The following GSE1 variants were observed in gnomAD, a reference collection of about 807,000 sequenced individuals.
The protein encoded by GSE1 is Gse1 coiled-coil protein.
Under a neutral mutation model 112.6 loss-of-function variants are expected in GSE1, and 32 were observed. The observed-to-expected ratio is 0.28, with a 90% CI of 0.21 to 0.38. The LOEUF (loss-of-function observed/expected upper bound fraction) is 0.38, where lower values mean the gene tolerates loss of function less well. Ranked by LOEUF, GSE1 falls within the 10% of genes least tolerant of loss-of-function variation. The pLI is 1.00. For missense variants in GSE1, 2,348 were observed against 1,699.2 expected (o/e 1.38, Z -6.71); for synonymous variants, 1,115 against 735.6 (o/e 1.52, Z -8.35).
chr16:85,627,043 C>CTTTTTTTTTTTTTT (rs1310553127), intron 1 of GSE1, among the ~76,000 whole-genome samples: 1 of 28,672 alleles, frequency 3.5e-5, no homozygotes, highest in African/African-American at 1.8e-4. Context: ...TTTCTTCTTG[C>CTTTTTTTTTTTTTT]CTTTTTTTTT....
chr16:85,649,994 G>T (rs1040431767), intron 3 of GSE1, among the ~76,000 whole-genome samples: 4 of 152,172 alleles, frequency 2.6e-5, no homozygotes, highest in South Asian at 4.1e-4. Flanking sequence ...GGGACCCCCG[G>T]GGCCTGACGT....
rs117314514 is a variant in GSE1 at position 85,226,623 on chromosome 16, G to A, written c.2283+54816G>A. 9.4e-3 allele frequency among the ~76,000 whole-genome samples: 1,437 copies of A among 152,240 alleles called. 10 individuals are homozygous for A. The highest frequency in any genetic ancestry group is 0.016 in the Non-Finnish European group (1,095 of 68,028). The stretch of plus-strand genomic sequence containing the variant: ...TAAGGTGAGGGAGCAGGCTGCTGCC[G>A]GTGCTGTTGTGAGGTTTAGATAGAA... On this transcript the variant is annotated intron_variant, in intron 1 of 2. Transcript: ENST00000637419.
At chr16:85,230,230 C>A (rs1156376547) in intron 1 of GSE1, among the ~76,000 whole-genome samples, 1 of 152,210 alleles carries the variant, frequency 6.6e-6, no homozygotes, top group African/African-American at 2.4e-5. Context: ...CCTGTGCCGT[C>A]TGGTTTGTAA....
rs544034562 is a variant in GSE1, at chr16:85,436,550, C to T, written c.2464+78907C>T. ...CCAGGAACAGGGGGCCTCCCTTCCT[C>T]TGTGGGGGCTAACAGTGAAACTCGG... On this transcript the variant is annotated intron_variant, in intron 2 of 2. Transcript: ENST00000637419. Among the ~76,000 whole-genome samples the T allele has an allele frequency of 1.6e-4, 24 of 152,378 alleles. No homozygotes were observed. The East Asian group carries it at 4.4e-3, about 28-fold the overall frequency.
At chr16:85,635,092 C>A (rs1006896770) in intron 2 of GSE1, among the ~76,000 whole-genome samples, 1 of 152,186 alleles carries the variant, frequency 6.6e-6, no homozygotes, top group African/African-American at 2.4e-5. Flanking sequence ...TTACATTACC[C>A]GGGTTCCAGC....
At chr16:85,402,362 G>A (rs1308681531) in intron 2 of GSE1, among the ~76,000 whole-genome samples, 3 of 152,210 alleles carry the variant, frequency 2.0e-5, no homozygotes, top group Non-Finnish European at 2.9e-5. Flanking sequence ...AGGGGGACTC[G>A]AGAGAGCCTG....
At chr16:85,241,323 C>T (rs1210671825) in intron 1 of GSE1, among the ~76,000 whole-genome samples, 1 of 152,234 alleles carries the variant, frequency 6.6e-6, no homozygotes, top group Non-Finnish European at 1.5e-5. Context: ...TAGGCCCTGG[C>T]ACCTGGCAGT....
intron 1 of GSE1, among the ~76,000 whole-genome samples, chr16:85,574,384 T>A (rs1006017633): frequency 6.6e-6 from 1 of 152,192 alleles, no homozygotes; most frequent in African/African-American, 2.4e-5. Context: ...CTAGGAGGGC[T>A]CTTCTTGACA....
intron 1 of GSE1, among the ~76,000 whole-genome samples, chr16:85,324,047 A>G (rs745946807): frequency 1.3e-5 from 2 of 152,226 alleles, no homozygotes; most frequent in Non-Finnish European, 2.9e-5. Flanking sequence ...TTAAAAAGGC[A>G]GATAATAACA....
At chr16:85,501,491 C>T (rs927584098) in intron 2 of GSE1, among the ~76,000 whole-genome samples, 1 of 148,538 alleles carries the variant, frequency 6.7e-6, no homozygotes, top group Non-Finnish European at 1.5e-5. Context: ...CTCCTGGGTT[C>T]AAGCGATCTC....
chr16:85,563,454 C>A (rs1598196453), intron 1 of GSE1, among the ~76,000 whole-genome samples: 1 of 152,350 alleles, frequency 6.6e-6, no homozygotes, highest in East Asian at 1.9e-4. Flanking sequence ...TCGTTACCCT[C>A]AGCCCCAATT....
At chr16:85,327,858 C>T (rs2046257803) in intron 1 of GSE1, among the ~76,000 whole-genome samples, 1 of 152,156 alleles carries the variant, frequency 6.6e-6, no homozygotes, top group Admixed American at 6.5e-5. Context: ...CACAGCCTGT[C>T]ATATACAGGC....
Position 85,334,246 on chromosome 16 carries a change from G to T in GSE1, c.2284-23217G>T, listed in dbSNP as rs117110181. ...CAGGAGTCGAGCTGGTCCATCCAGA[G>T]TGTGGATGTGGAGCTGCCACTTGCC... On this transcript the variant is annotated intron_variant, in intron 1 of 2. Transcript: ENST00000637419. Among the ~76,000 whole-genome samples the T allele has an allele frequency of 5.6e-3, 855 of 152,258 alleles. 5 individuals are homozygous for T. Among genetic ancestry groups the T allele is most frequent in the Non-Finnish European group, 7.9e-3 (534 of 68,008 alleles).
intron 2 of GSE1, among the ~76,000 whole-genome samples, chr16:85,521,171 TC>T (rs1366000966): frequency 6.6e-6 from 1 of 152,178 alleles, no homozygotes; most frequent in Non-Finnish European, 1.5e-5. Flanking sequence ...CCGATTGCCA[TC>T]CGCTGATACT....
intron 2 of GSE1, among the ~76,000 whole-genome samples, chr16:85,401,221 G>A (rs1037042071): frequency 6.6e-6 from 1 of 152,184 alleles, no homozygotes; most frequent in African/African-American, 2.4e-5. Flanking sequence ...AGCGGCTCCT[G>A]ATTTCACATT....
intron 2 of GSE1, among the ~76,000 whole-genome samples, chr16:85,502,599 G>T (rs989832712): frequency 6.6e-6 from 1 of 152,230 alleles, no homozygotes; most frequent in African/African-American, 2.4e-5. Context: ...GTCTGTGTCT[G>T]CCATGGTGGC....
intron 2 of GSE1, among the ~76,000 whole-genome samples, chr16:85,403,889 C>A (rs2048178720): frequency 6.6e-6 from 1 of 152,148 alleles, no homozygotes; most frequent in Non-Finnish European, 1.5e-5. Flanking sequence ...AGGGCTGCAC[C>A]CCCTTCAGAG....
intron 1 of GSE1, among the ~76,000 whole-genome samples, chr16:85,617,257 C>G (rs1030345729): frequency 6.6e-6 from 1 of 152,156 alleles, no homozygotes; most frequent in Non-Finnish European, 1.5e-5. Flanking sequence ...GAGCTGCCCC[C>G]GGGAGGCTGG....
At position 85,661,555 on chromosome 16, in the gene GSE1, A is replaced by C; in HGVS notation, c.2050A>C (p.Thr684Pro). Reference protein sequence around the residue: ...FLAELEKSTQTILGQQRASLP... With the variant: ...FLAELEKSTQPILGQQRASLP... The stretch of plus-strand genomic sequence containing the variant: ...GGCTGAGCTCGAGAAGTCCACCCAG[A>C]CCATCCTGGGCCAGCAGCGGGCCTC... The change falls in exon 9 of 16, where the codon ACC becomes CCC. Residue 684 changes from threonine to proline, a missense_variant. Transcript: ENST00000253458. 1 of 1,611,632 alleles carries C rather than the reference A, an allele frequency of 6.2e-7. No homozygotes were observed. Among genetic ancestry groups the C allele is most frequent in the Non-Finnish European group, 8.5e-7 (1 of 1,179,586 alleles).
Sources: gnomAD v4.1 joint callset for allele counts (sites outside exome capture counted in the v4.1 genomes callset) on GRCh38, gnomAD v4.1.1 for gene constraint, MANE v1.5 for transcripts, NCBI Gene and HGNC (gene_info 2026-07-23, HGNC 2026-07-21) for gene names.